Variants in TRIM5 observed in about 807,000 individuals in gnomAD.
The protein encoded by TRIM5 is tripartite motif containing 5.
In TRIM5, 31 loss-of-function variants were observed where a neutral mutation model predicts 35.6. The ratio of observed to expected loss-of-function variants is 0.87; its 90% CI spans 0.65 to 1.18. TRIM5 has a LOEUF of 1.18. Among genes scored for constraint, TRIM5 ranks in the 50% most tolerant of loss-of-function variants. The pLI is 0.00. For synonymous variants in TRIM5, 243 were observed against 215.6 expected (o/e 1.13, Z -1.11); for missense variants, 609 against 591.6 (o/e 1.03, Z -0.31).
At chr11:5,603,773 G>A in the TRIM5 span, 523 of 1,601,924 alleles carry the variant, frequency 3.3e-4, 3 homozygotes, top group East Asian at 0.01. Flanking sequence ...AGAGAAACAG[G>A]GTCTTTGGCA....
At chr11:5,594,674 C>T in the TRIM5 span, among the ~76,000 whole-genome samples, 2 of 152,090 alleles carry the variant, frequency 1.3e-5, no homozygotes, top group Admixed American at 6.6e-5. Context: ...GACTATGGAG[C>T]CTGTAAGTTA....
the TRIM5 span, among the ~76,000 whole-genome samples, chr11:5,633,106 G>C: frequency 1.3e-5 from 2 of 149,040 alleles, no homozygotes; most frequent in Non-Finnish European, 3.0e-5. Context: ...CCAAAGTGCT[G>C]GGATTACAGG....
the TRIM5 span, among the ~76,000 whole-genome samples, chr11:5,593,703 T>G: frequency 1.4e-4 from 22 of 152,326 alleles, no homozygotes; most frequent in East Asian, 2.5e-3. Flanking sequence ...ATACTGAGTA[T>G]TTAATATTGA....
At chr11:5,665,529 T>G (rs748571933) in intron 7 of TRIM5, 127 bp downstream of exon 7, 1 of 1,559,458 alleles carries the variant, frequency 6.4e-7, no homozygotes, top group Non-Finnish European at 8.6e-7. Flanking sequence ...GTAAGTTATG[T>G]GTGTCTTGGA....
chr11:5,611,120 T>C, the TRIM5 span: 1 of 1,614,074 alleles, frequency 6.2e-7, no homozygotes. Flanking sequence ...ATAGGGCCTA[T>C]GAGGATTCTT....
chr11:5,613,824 C>T, the TRIM5 span, among the ~76,000 whole-genome samples: 8 of 151,960 alleles, frequency 5.3e-5, no homozygotes, highest in African/African-American at 1.7e-4. Flanking sequence ...TTGCTAGAGC[C>T]GATATTTAAG....
At chr11:5,593,540 T>A in the TRIM5 span, among the ~76,000 whole-genome samples, 5 of 152,208 alleles carry the variant, frequency 3.3e-5, no homozygotes, top group African/African-American at 1.2e-4. Context: ...GTATTTTTTT[T>A]ATCACTATTT....
the TRIM5 span, chr11:5,643,691 A>G: frequency 2.5e-6 from 4 of 1,596,010 alleles, no homozygotes; most frequent in South Asian, 2.3e-5. Flanking sequence ...CCATGACTCT[A>G]TGCCCACCAA....
At chr11:5,659,891 G>C (rs997335117), downstream of TRIM5, among the ~76,000 whole-genome samples, 3 of 152,032 alleles carry the variant, frequency 2.0e-5, no homozygotes, top group Admixed American at 6.6e-5. Flanking sequence ...GACTTGACTA[G>C]AGTTTATACA....
At chr11:5,643,281 G>A in the TRIM5 span, 1 of 1,614,044 alleles carries the variant, frequency 6.2e-7, no homozygotes, top group Admixed American at 1.7e-5. Flanking sequence ...TTTCTCCTCT[G>A]GGAAACATTA....
At chr11:5,674,965 T>C (rs912523784) in intron 4 of TRIM5, among the ~76,000 whole-genome samples, 1 of 152,094 alleles carries the variant, frequency 6.6e-6, no homozygotes, top group African/African-American at 2.4e-5. Context: ...CTTCAAGAGA[T>C]CTATTGCAGA....
chr11:5,643,059 T>A, the TRIM5 span: 31 of 1,287,976 alleles, frequency 2.4e-5, no homozygotes, highest in Non-Finnish European at 3.2e-5. Context: ...TAGATAAACC[T>A]ACTCCATATC....
At chr11:5,606,295 C>T in the TRIM5 span, among the ~76,000 whole-genome samples, 3 of 152,202 alleles carry the variant, frequency 2.0e-5, no homozygotes, top group East Asian at 3.9e-4. Context: ...GTGTGTAGGT[C>T]GCAGATTACA....
At chr11:5,680,345 C>CA (rs995561803) in intron 1 of TRIM5, 107 bp from the exon 2 acceptor site, 8 of 664,434 alleles carry the variant, frequency 1.2e-5, no homozygotes, top group African/African-American at 7.2e-5. Flanking sequence ...TAATTAAGGA[C>CA]AAAAAAAGGG....
At chr11:5,646,804 C>A in the TRIM5 span, among the ~76,000 whole-genome samples, 1 of 152,176 alleles carries the variant, frequency 6.6e-6, no homozygotes, top group African/African-American at 2.4e-5. Flanking sequence ...TCCACTTTCT[C>A]CCTTACTCTC....
the TRIM5 span, chr11:5,604,893 G>C: frequency 2.2e-6 from 1 of 460,256 alleles, no homozygotes; most frequent in East Asian, 4.0e-5. Context: ...TCTGGGTCTT[G>C]CTCTACAGTT....
the TRIM5 span, chr11:5,633,804 G>A: frequency 6.2e-7 from 1 of 1,613,414 alleles, no homozygotes; most frequent in Non-Finnish European, 8.5e-7. Flanking sequence ...CTTCTCATAG[G>A]AGAAACTCCA....
chr11:5,608,400 T>G, the TRIM5 span: 1 of 1,613,702 alleles, frequency 6.2e-7, no homozygotes, highest in Non-Finnish European at 8.5e-7. Context: ...GAAAGGTATG[T>G]GTAAGGAGAA....
Position 5,680,195 on chromosome 11 carries a change from T to C in TRIM5, c.-18A>G. Reference sequence around the variant, plus strand: ...GAAGCCATAGTAGCTATTCCACTGCTCCTGCCTGTCCTGGCTGCTGAGGTT... The same window carrying C: ...GAAGCCATAGTAGCTATTCCACTGCCCCTGCCTGTCCTGGCTGCTGAGGTT... On this transcript the variant is annotated 5_prime_UTR_variant, in exon 2 of 8. Coordinates refer to ENST00000380034, the MANE Select transcript of TRIM5 (RefSeq NM_033034.3). 6.4e-7 allele frequency: 1 copy of C among 1,565,766 alleles called. No individual in the cohort carries two copies. The highest frequency in any genetic ancestry group is 1.2e-5 in the South Asian group (1 of 83,126).
Sources: gnomAD v4.1 joint callset for allele counts (sites outside exome capture counted in the v4.1 genomes callset) on GRCh38, gnomAD v4.1.1 for gene constraint, MANE v1.5 for transcripts, NCBI Gene and HGNC (gene_info 2026-07-23, HGNC 2026-07-21) for gene names.